SLC1A1: variants seen among roughly 807,000 people sequenced by gnomAD.
The protein encoded by SLC1A1 is solute carrier family 1 member 1.
In SLC1A1, 43 loss-of-function variants were observed where a neutral mutation model predicts 53.3. That is an observed-to-expected ratio of 0.81 (90% CI 0.63 to 1.04). The LOEUF is 1.04. SLC1A1 is among the 50% of genes least tolerant of loss of function. The pLI, the probability that SLC1A1 is intolerant of heterozygous loss-of-function variation, is 0.00. For missense variants in SLC1A1, 748 were observed against 664.9 expected, an observed-to-expected ratio of 1.12 and a Z score of -1.37; for synonymous variants, 307 against 243.2, an observed-to-expected ratio of 1.26 and a Z score of -2.44.
chr9:4,502,022 T>TA (rs1820648418), intron 1 of SLC1A1, among the ~76,000 whole-genome samples: 1 of 151,694 alleles, frequency 6.6e-6, no homozygotes, highest in East Asian at 1.9e-4. Flanking sequence ...AATAAACTGA[T>TA]ACTGTTCAAC....
intron 10 of SLC1A1, among the ~76,000 whole-genome samples, chr9:4,582,775 C>A (rs1035062764): frequency 2.0e-5 from 3 of 152,144 alleles, no homozygotes; most frequent in Non-Finnish European, 4.4e-5. Context: ...GCCACTTATG[C>A]AGTTCTTCCT....
intron 1 of SLC1A1, among the ~76,000 whole-genome samples, chr9:4,533,053 C>T (rs1473262226): frequency 6.6e-6 from 1 of 152,148 alleles, no homozygotes; most frequent in East Asian, 1.9e-4. Flanking sequence ...TACAAGAGCT[C>T]CTGAAAGAAG....
In SLC1A1 at chr9:4,585,452, C is replaced by T; in HGVS notation, c.1469C>T (p.Thr490Ile). Residue 490 changes from threonine (T) to isoleucine (I), a missense_variant, in exon 12 of 12, where the codon ACA (threonine) becomes ATA (isoleucine). Coordinates refer to ENST00000262352, the MANE Select transcript of SLC1A1 (RefSeq NM_004170.6). ...GTGAATCCCTTTGCCTTGGAATCCA[C>T]AATCCTTGACAACGAAGACTCAGAC... Reference protein sequence around the residue: ...NIVNPFALESTILDNEDSDTK... With the variant: ...NIVNPFALESIILDNEDSDTK... The T allele has an allele frequency of 1.2e-6, 2 of 1,614,236 alleles. No homozygotes were observed. Among genetic ancestry groups the T allele is most frequent in the Non-Finnish European group, 1.7e-6 (2 of 1,180,044 alleles).
At chr9:4,532,199 G>A (rs1366937634) in intron 1 of SLC1A1, among the ~76,000 whole-genome samples, 1 of 152,202 alleles carries the variant, frequency 6.6e-6, no homozygotes, top group African/African-American at 2.4e-5. Flanking sequence ...GAACAAAGCT[G>A]GAGGGAGAAT....
At chr9:4,507,387 G>T (rs1563997721) in intron 1 of SLC1A1, among the ~76,000 whole-genome samples, 1 of 152,142 alleles carries the variant, frequency 6.6e-6, no homozygotes, top group African/African-American at 2.4e-5. Flanking sequence ...GTAATCCACT[G>T]TTGTTATTAA....
intron 1 of SLC1A1, among the ~76,000 whole-genome samples, chr9:4,500,099 C>T (rs376428403): frequency 2.6e-5 from 4 of 152,084 alleles, no homozygotes; most frequent in Non-Finnish European, 5.9e-5. Flanking sequence ...CTAGGGAGTC[C>T]GTGACACACT....
chr9:4,508,548 T>C (rs578202639), intron 1 of SLC1A1, among the ~76,000 whole-genome samples: 1 of 152,322 alleles, frequency 6.6e-6, no homozygotes, highest in South Asian at 2.1e-4. Context: ...ACTTGAATTG[T>C]CATGTGTACA....
At chr9:4,498,107 T>G (rs970360736) in intron 1 of SLC1A1, among the ~76,000 whole-genome samples, 1 of 152,226 alleles carries the variant, frequency 6.6e-6, no homozygotes, top group African/African-American at 2.4e-5. Flanking sequence ...TTTAAGAACC[T>G]TTAGCTTTAT....
In SLC1A1 at chr9:4,585,613, C is replaced by T. The variant is rs1202576392; in HGVS notation, c.*55C>T. 9 of 1,604,830 alleles carry T rather than the reference C, an allele frequency of 5.6e-6. No homozygotes were observed. The highest frequency in any genetic ancestry group is 7.7e-6 in the Non-Finnish European group (9 of 1,171,998). ...GGAAGGACATTTCCGTGAGAGTCAT[C>T]TCAAACACTGCTTAAGGAAAAGAGA... On this transcript the variant is annotated 3_prime_UTR_variant, in exon 12 of 12. Coordinates refer to ENST00000262352, the MANE Select transcript of SLC1A1 (RefSeq NM_004170.6).
chr9:4,572,214 A>G lies in SLC1A1; in HGVS notation c.593A>G (p.Lys198Arg), dbSNP rs1415660722. ...GGTTTTGATCCACAGAACAAAACAA[A>G]GGAATACAAAATTGTTGGCATGTAT... is the stretch of plus-strand genomic sequence containing the variant. ...MTTAISKNKT[K>R]EYKIVGMYSD... The change falls in exon 7 of 12, where the codon AAG (lysine) becomes AGG (arginine). Residue 198 changes from lysine to arginine, a missense_variant. Physicochemically the swap from Lys to Arg is conservative, Grantham distance 26. Transcript: ENST00000262352. 6.2e-7 allele frequency: 1 copy of G among 1,612,966 alleles called. No individual in the cohort carries two copies. Among genetic ancestry groups the G allele is most frequent in the African/African-American group, 1.3e-5 (1 of 74,916 alleles).
At chr9:4,559,167 T>G (rs1818696962) in intron 2 of SLC1A1, among the ~76,000 whole-genome samples, 1 of 152,232 alleles carries the variant, frequency 6.6e-6, no homozygotes, top group Non-Finnish European at 1.5e-5. Flanking sequence ...TTGTTATCTT[T>G]CATTGTCTTA....
chr9:4,530,145 G>T (rs910060627), intron 1 of SLC1A1, among the ~76,000 whole-genome samples: 5 of 152,102 alleles, frequency 3.3e-5, no homozygotes, highest in African/African-American at 9.7e-5. Context: ...GAGGAGGTTT[G>T]TGGAGGGGGA....
intron 1 of SLC1A1, among the ~76,000 whole-genome samples, chr9:4,494,008 T>G (rs1037375761): frequency 1.3e-5 from 2 of 152,216 alleles, no homozygotes; most frequent in African/African-American, 4.8e-5. Flanking sequence ...GATTCAATAG[T>G]TAGGTGACCA....
At chr9:4,577,019 C>G (rs1430500902) in intron 10 of SLC1A1, among the ~76,000 whole-genome samples, 1 of 152,140 alleles carries the variant, frequency 6.6e-6, no homozygotes, top group Non-Finnish European at 1.5e-5. Context: ...CACAAAGACT[C>G]AAGGCTGAGT....
At chr9:4,570,006 G>A (rs1819873264) in intron 6 of SLC1A1, among the ~76,000 whole-genome samples, 1 of 152,192 alleles carries the variant, frequency 6.6e-6, no homozygotes, top group South Asian at 2.1e-4. Context: ...AGGCCATAAT[G>A]AATGAGCAAG....
chr9:4,552,151 A>T (rs1478849693), intron 2 of SLC1A1, among the ~76,000 whole-genome samples: 2 of 152,174 alleles, frequency 1.3e-5, no homozygotes, highest in Non-Finnish European at 2.9e-5. Flanking sequence ...AGGACCTTCT[A>T]TATATTGGAG....
intron 2 of SLC1A1, among the ~76,000 whole-genome samples, chr9:4,548,176 C>G (rs1817640012): frequency 6.6e-6 from 1 of 152,144 alleles, no homozygotes; most frequent in African/African-American, 2.4e-5. Context: ...TCTCTGCTCC[C>G]TTCCCCTGCC....
chr9:4,570,971 T>A (rs1240951227), intron 6 of SLC1A1, among the ~76,000 whole-genome samples: 1 of 152,064 alleles, frequency 6.6e-6, no homozygotes, highest in Non-Finnish European at 1.5e-5. Context: ...TGGCTAATTT[T>A]TATATGTCTA....
At position 4,574,026 on chromosome 9, in the gene SLC1A1, T is replaced by C. The variant is rs1184727516; in HGVS notation, c.875+12T>C. On this transcript the variant is annotated intron_variant, in intron 8 of 11. Coordinates refer to ENST00000262352, the MANE Select transcript of SLC1A1 (RefSeq NM_004170.6). ...ACAGTCCTGACTGGGTATGTCAGAC[T>C]CAAGAGAAGAGACAGAAACCTCCTT... 1 of 1,555,964 alleles carries C rather than the reference T, an allele frequency of 6.4e-7. No individual in the cohort carries two copies. The highest frequency in any genetic ancestry group is 8.9e-7 in the Non-Finnish European group (1 of 1,126,918).
Sources: allele counts gnomAD v4.1 joint callset (sites outside exome capture counted in the v4.1 genomes callset), GRCh38; gene constraint gnomAD v4.1.1; transcripts MANE v1.5; gene names NCBI Gene and HGNC (gene_info 2026-07-23, HGNC 2026-07-21).